The following MSRA variants were observed in gnomAD, a reference collection of about 807,000 sequenced individuals.
The protein encoded by MSRA is methionine sulfoxide reductase A.
A neutral mutation model predicts 31.3 loss-of-function variants in MSRA; 54 were observed. The ratio of observed to expected loss-of-function variants is 1.73; its 90% CI spans 1.39 to 2.17. The LOEUF is 2.17. Among genes scored for constraint, MSRA ranks in the 30% most tolerant of loss-of-function variants. MSRA has a pLI of 0.00. For missense variants in MSRA, 507 were observed against 300.9 expected (o/e 1.69, Z -5.07); for synonymous variants, 169 against 116.5 (o/e 1.45, Z -2.90).
chr8:10,150,601 A>T (rs1022766291), intron 1 of MSRA, among the ~76,000 whole-genome samples: 6 of 152,180 alleles, frequency 3.9e-5, no homozygotes, highest in Non-Finnish European at 7.3e-5. Context: ...GAAACAAACA[A>T]CAAAAAAAAG....
chr8:10,074,167 C>G (rs951559917), intron 1 of MSRA, among the ~76,000 whole-genome samples: 5 of 140,740 alleles, frequency 3.6e-5, no homozygotes, highest in African/African-American at 1.0e-4. Flanking sequence ...ACTGCAAGCT[C>G]TGCCTCCAGG....
At chr8:10,384,666 A>G (rs138046342) in intron 5 of MSRA, among the ~76,000 whole-genome samples, 1 of 152,190 alleles carries the variant, frequency 6.6e-6, no homozygotes, top group Non-Finnish European at 1.5e-5. Context: ...GAACTGTTGC[A>G]CTAGCGGAAG....
intron 2 of MSRA, among the ~76,000 whole-genome samples, chr8:10,219,292 G>C (rs1810273952): frequency 1.3e-5 from 2 of 152,188 alleles, no homozygotes; most frequent in Non-Finnish European, 2.9e-5. Context: ...ACACTCCCCA[G>C]AGTGGATTTT....
intron 2 of MSRA, among the ~76,000 whole-genome samples, chr8:10,239,854 C>T (rs1270875089): frequency 6.6e-6 from 1 of 152,154 alleles, no homozygotes; most frequent in Non-Finnish European, 1.5e-5. Flanking sequence ...ATGGTGTGTC[C>T]CTACCTTTGG....
intron 3 of MSRA, among the ~76,000 whole-genome samples, chr8:10,286,387 G>A (rs1026906562): frequency 6.6e-6 from 1 of 152,132 alleles, no homozygotes; most frequent in African/African-American, 2.4e-5. Context: ...GTTATAAAAA[G>A]GGGAGTTTCC....
In MSRA at chr8:10,151,261, CAAAAAAAAAAA is replaced by C. The variant is rs34388218; in HGVS notation, c.143-56555_143-56545del. Among the ~76,000 whole-genome samples, 5 of 109,170 alleles carry C rather than the reference CAAAAAAAAAAA, an allele frequency of 4.6e-5. No homozygotes were observed. In the East Asian group the frequency reaches 1.1e-3, roughly 24 times the overall value. 71.6% of individuals were successfully genotyped at this position (109,170 alleles called of 152,430 possible). A position where few individuals can be genotyped will look rare whatever the true frequency, so the allele number is the denominator to read the frequency against. The stretch of plus-strand genomic sequence containing the variant: ...TGGGTGACAGAGCGAGAGTCTGTCT[CAAAAAAAAAAA>C]AAAAAAAAAAAAAAAATAAGGGCTT... On this transcript the variant is annotated intron_variant, in intron 1 of 5. Coordinates refer to ENST00000317173, the MANE Select transcript of MSRA (RefSeq NM_012331.5).
At chr8:10,427,046 C>T (rs541303869) in intron 5 of MSRA, among the ~76,000 whole-genome samples, 12 of 152,156 alleles carry the variant, frequency 7.9e-5, no homozygotes, top group Non-Finnish European at 1.3e-4. Context: ...AAAAACCTGA[C>T]GCAGTGAATC....
intron 1 of MSRA, among the ~76,000 whole-genome samples, chr8:10,168,524 A>C (rs185645932): frequency 6.6e-6 from 1 of 152,298 alleles, no homozygotes; most frequent in East Asian, 1.9e-4. Context: ...GGGAGGAGGG[A>C]AGTAGCATTG....
At chr8:10,292,805 G>A (rs1800316073) in intron 3 of MSRA, among the ~76,000 whole-genome samples, 1 of 152,142 alleles carries the variant, frequency 6.6e-6, no homozygotes, top group Non-Finnish European at 1.5e-5. Flanking sequence ...TGAGGGCAGA[G>A]AGGGCTTGGT....
intron 1 of MSRA, among the ~76,000 whole-genome samples, chr8:10,082,437 C>A (rs2128923591): frequency 6.6e-6 from 1 of 152,220 alleles, no homozygotes; most frequent in Middle Eastern, 3.4e-3. Context: ...CACCTTCCTT[C>A]CCAGCCCTCC....
intron 5 of MSRA, among the ~76,000 whole-genome samples, chr8:10,384,950 C>T (rs556066316): frequency 6.6e-6 from 1 of 152,048 alleles, no homozygotes; most frequent in East Asian, 1.9e-4. Flanking sequence ...TACAGTAAGC[C>T]GTGATTGGGC....
chr8:10,191,239 C>T (rs1169724418), intron 1 of MSRA, among the ~76,000 whole-genome samples: 3 of 152,082 alleles, frequency 2.0e-5, no homozygotes, highest in African/African-American at 7.2e-5. Flanking sequence ...ATAACCCCAC[C>T]ATCTTTTTAC....
chr8:10,195,856 G>T (rs938164222), intron 1 of MSRA, among the ~76,000 whole-genome samples: 1 of 152,178 alleles, frequency 6.6e-6, no homozygotes, highest in Non-Finnish European at 1.5e-5. Flanking sequence ...GCCAGAATTC[G>T]TTTTCACGAA....
chr8:10,217,667 G>C (rs1279669465), intron 2 of MSRA, among the ~76,000 whole-genome samples: 1 of 152,084 alleles, frequency 6.6e-6, no homozygotes, highest in Admixed American at 6.6e-5. Context: ...TTCTATCCTA[G>C]CATATTTAAA....
At chr8:10,242,720 A>G (rs1797399822) in intron 2 of MSRA, among the ~76,000 whole-genome samples, 1 of 151,876 alleles carries the variant, frequency 6.6e-6, no homozygotes. Flanking sequence ...CTTTGTTTAA[A>G]CACACACACA....
chr8:10,090,698 T>G (rs1316305278), intron 1 of MSRA, among the ~76,000 whole-genome samples: 1 of 152,216 alleles, frequency 6.6e-6, no homozygotes, highest in African/African-American at 2.4e-5. Flanking sequence ...AATTCTTCCC[T>G]CTGCCCAGGT....
chr8:10,213,898 G>A (rs554543613), intron 2 of MSRA, among the ~76,000 whole-genome samples: 2 of 152,186 alleles, frequency 1.3e-5, no homozygotes, highest in South Asian at 2.1e-4. Flanking sequence ...GGGAACTCAC[G>A]TCCAGGCTTT....
chr8:10,212,014 T>C (rs1023048176), intron 2 of MSRA, among the ~76,000 whole-genome samples: 1 of 151,894 alleles, frequency 6.6e-6, no homozygotes, highest in African/African-American at 2.4e-5. Flanking sequence ...CTTGGTACAA[T>C]TAAAAAATAT....
chr8:10,385,472 C>T (rs1232438426), intron 5 of MSRA, among the ~76,000 whole-genome samples: 2 of 152,142 alleles, frequency 1.3e-5, no homozygotes, highest in Admixed American at 1.3e-4. Flanking sequence ...GCCTGTGGCA[C>T]ATGTGGGGCA....
Sources: allele counts gnomAD v4.1 joint callset (sites outside exome capture counted in the v4.1 genomes callset), GRCh38; gene constraint gnomAD v4.1.1; transcripts MANE v1.5; gene names NCBI Gene and HGNC (gene_info 2026-07-23, HGNC 2026-07-21).